Variants in SH3BGRL2 observed in about 807,000 individuals in gnomAD.
SH3BGRL2 encodes the protein SH3 domain binding glutamate rich protein like 2.
A neutral mutation model predicts 14.8 loss-of-function variants in SH3BGRL2; 21 were observed. That is an observed-to-expected ratio of 1.42 (90% CI 1.01 to 2.05). The LOEUF is 2.05. Ranked by LOEUF, SH3BGRL2 falls within the 30% of genes most tolerant of loss-of-function variation. The pLI, the probability that SH3BGRL2 is intolerant of heterozygous loss-of-function variation, is 0.00. For synonymous variants in SH3BGRL2, 50 were observed against 47.8 expected, an observed-to-expected ratio of 1.05 and a Z score of -0.19; for missense variants, 147 against 130.8, an observed-to-expected ratio of 1.12 and a Z score of -0.61.
chr6:79,683,912 G>A (rs1035950771), intron 2 of SH3BGRL2, among the ~76,000 whole-genome samples: 3 of 152,140 alleles, frequency 2.0e-5, no homozygotes, highest in African/African-American at 4.8e-5. Context: ...GTGTCACCTG[G>A]TAGAATGGAG....
At chr6:79,684,595 C>T (rs893178308) in intron 2 of SH3BGRL2, among the ~76,000 whole-genome samples, 3 of 152,106 alleles carry the variant, frequency 2.0e-5, no homozygotes, top group African/African-American at 7.2e-5. Context: ...CATGCCTTGT[C>T]AAGGTTCTGA....
the SH3BGRL2 span, among the ~76,000 whole-genome samples, chr6:79,563,434 C>CT: frequency 6.6e-6 from 1 of 152,022 alleles, no homozygotes; most frequent in Non-Finnish European, 1.5e-5. Context: ...TATTAAGTCC[C>CT]TACCATCCAT....
the SH3BGRL2 span, among the ~76,000 whole-genome samples, chr6:79,601,088 C>T: frequency 6.6e-6 from 1 of 152,334 alleles, no homozygotes; most frequent in South Asian, 2.1e-4. Flanking sequence ...TCTGGCAGCA[C>T]TGTTTACCTA....
At chr6:79,629,422 T>C (rs1226678102), upstream of SH3BGRL2, among the ~76,000 whole-genome samples, 1 of 151,382 alleles carries the variant, frequency 6.6e-6, no homozygotes, top group African/African-American at 2.4e-5. Flanking sequence ...TAGGCCCTGC[T>C]GTATGTACAG....
At position 79,639,448 on chromosome 6, in the gene SH3BGRL2, G is replaced by A. The variant is rs200373578; in HGVS notation, c.45+7942G>A. On this transcript the variant is annotated intron_variant, in intron 1 of 3. Coordinates refer to ENST00000369838, the MANE Select transcript of SH3BGRL2 (RefSeq NM_031469.4). ...TACAAAAAATATAAAAATTAGCGGG[G>A]CATGGTGGCATGTGCCTGTAGTCCC... 7.9e-5 allele frequency among the ~76,000 whole-genome samples: 12 copies of A among 152,170 alleles called. No individual in the cohort carries two copies. The East Asian group carries it at 2.3e-3, about 29-fold the overall frequency.
In SH3BGRL2 at chr6:79,702,948, T is replaced by C. The variant is rs1770495262; in HGVS notation, c.*3439T>C. 1.3e-5 allele frequency: 2 copies of C among 152,352 alleles called. No individual in the cohort carries two copies. The highest frequency in any genetic ancestry group is 4.1e-4 in the South Asian group (2 of 4,830). 9.4% of individuals were successfully genotyped at this position (152,352 alleles called of 1,614,324 possible). ...GAAGAAAACAGTATTTCTGAAGGCATTGTTTGAGGTTGATCTCAGCACTGA... is the reference window on the plus strand; with the variant it reads ...GAAGAAAACAGTATTTCTGAAGGCACTGTTTGAGGTTGATCTCAGCACTGA... On this transcript the variant is annotated 3_prime_UTR_variant, in exon 4 of 4. Coordinates refer to ENST00000369838, the MANE Select transcript of SH3BGRL2 (RefSeq NM_031469.4).
the SH3BGRL2 span, among the ~76,000 whole-genome samples, chr6:79,564,874 T>C: frequency 6.6e-6 from 1 of 152,218 alleles, no homozygotes; most frequent in Non-Finnish European, 1.5e-5. Flanking sequence ...CTGGTACATC[T>C]CCTGCTGCTT....
intron 1 of SH3BGRL2, among the ~76,000 whole-genome samples, chr6:79,655,175 A>C (rs2127727514): frequency 6.6e-6 from 1 of 152,228 alleles, no homozygotes; most frequent in South Asian, 2.1e-4. Flanking sequence ...GTGACCTTAA[A>C]GCTGAGGGCA....
intron 1 of SH3BGRL2, among the ~76,000 whole-genome samples, chr6:79,661,200 C>G (rs1335952971): frequency 1.3e-5 from 2 of 152,146 alleles, no homozygotes; most frequent in Non-Finnish European, 2.9e-5. Context: ...TGTTGCTTCT[C>G]TAGTTACTTT....
the SH3BGRL2 span, among the ~76,000 whole-genome samples, chr6:79,603,281 C>A: frequency 6.6e-6 from 1 of 152,174 alleles, no homozygotes. Context: ...GATGCAAGAA[C>A]AATTTCCCTT....
At chr6:79,698,842 A>C (rs965800597) in intron 3 of SH3BGRL2, among the ~76,000 whole-genome samples, 3 of 152,286 alleles carry the variant, frequency 2.0e-5, no homozygotes, top group African/African-American at 7.2e-5. Flanking sequence ...AAGGGAGGCC[A>C]TTTCACCGAT....
At chr6:79,606,006 T>A in the SH3BGRL2 span, among the ~76,000 whole-genome samples, 3 of 152,312 alleles carry the variant, frequency 2.0e-5, no homozygotes, top group Middle Eastern at 3.4e-3. Flanking sequence ...TTTAAAATAA[T>A]AATATAATGA....
chr6:79,637,750 G>T (rs1273771684), intron 1 of SH3BGRL2, among the ~76,000 whole-genome samples: 1 of 151,876 alleles, frequency 6.6e-6, no homozygotes, highest in Admixed American at 6.6e-5. Context: ...AAATCGAGCT[G>T]ATCAAGAACT....
At chr6:79,677,842 T>C (rs1253189363) in intron 2 of SH3BGRL2, among the ~76,000 whole-genome samples, 1 of 152,330 alleles carries the variant, frequency 6.6e-6, no homozygotes, top group South Asian at 2.1e-4. Flanking sequence ...TTCTTCCTTC[T>C]CTGAGAATGT....
At chr6:79,673,526 C>A in intron 1 of SH3BGRL2, 88 bp from the exon 2 acceptor site, 1 of 1,323,048 alleles carries the variant, frequency 7.6e-7, no homozygotes, top group Non-Finnish European at 1.0e-6. Context: ...TTTTTTGTAT[C>A]AATGACATAA....
At chr6:79,602,691 T>C in the SH3BGRL2 span, among the ~76,000 whole-genome samples, 1 of 152,200 alleles carries the variant, frequency 6.6e-6, no homozygotes, top group African/African-American at 2.4e-5. Context: ...TCTGGGCTTA[T>C]GTGACCTTGT....
At chr6:79,664,169 G>A (rs1407682545) in intron 1 of SH3BGRL2, among the ~76,000 whole-genome samples, 1 of 152,224 alleles carries the variant, frequency 6.6e-6, no homozygotes, top group African/African-American at 2.4e-5. Flanking sequence ...TCCGTGGGCT[G>A]CACCCACTGT....
chr6:79,634,521 T>C (rs1768885645), intron 1 of SH3BGRL2, among the ~76,000 whole-genome samples: 1 of 152,232 alleles, frequency 6.6e-6, no homozygotes, highest in Non-Finnish European at 1.5e-5. Flanking sequence ...AGGAAATATG[T>C]GAATATGACT....
chr6:79,681,219 C>G (rs185584895), intron 2 of SH3BGRL2, among the ~76,000 whole-genome samples: 1 of 152,264 alleles, frequency 6.6e-6, no homozygotes, highest in African/African-American at 2.4e-5. Flanking sequence ...GAAGAGAGAA[C>G]AGCTTAGCTG....
Sources: allele counts gnomAD v4.1 joint callset (sites outside exome capture counted in the v4.1 genomes callset), GRCh38; gene constraint gnomAD v4.1.1; transcripts MANE v1.5; gene names NCBI Gene and HGNC (gene_info 2026-07-23, HGNC 2026-07-21).